Variants in PTPN13 observed in about 807,000 individuals in gnomAD.
PTPN13 encodes the protein protein tyrosine phosphatase non-receptor type 13.
In PTPN13, 191 loss-of-function variants were observed where a neutral mutation model predicts 284.0. That is an observed-to-expected ratio of 0.67 (90% CI 0.60 to 0.76). The LOEUF is 0.76. Among genes scored for constraint, PTPN13 ranks in the 30% least tolerant of loss-of-function variants. The pLI, the probability that PTPN13 is intolerant of heterozygous loss-of-function variation, is 0.00. For synonymous variants in PTPN13, 986 were observed against 1,022.3 expected, an observed-to-expected ratio of 0.96 and a Z score of 0.68; for missense variants, 2,797 against 2,939.9, an observed-to-expected ratio of 0.95 and a Z score of 1.12.
chr4:86,772,925 T>G lies in PTPN13; in HGVS notation c.5316T>G (p.Asn1772Lys). Residue 1772 changes from asparagine to lysine, a missense_variant, in exon 32 of 48, where the codon AAT becomes AAG. By Grantham distance (94) the Asn-to-Lys change is moderately conservative. Coordinates refer to ENST00000411767, the MANE Select transcript of PTPN13 (RefSeq NM_080683.3). ...AAGAAAACTGGACACCTTTGAAAAA[T>G]GACTTGGAAAATCACCTTGAAGACT... The part of the protein sequence containing the change: ...TRQENWTPLK[N>K]DLENHLEDFE... The G allele has an allele frequency of 6.2e-7, 1 of 1,606,438 alleles. No individual in the cohort carries two copies. Among genetic ancestry groups the G allele is most frequent in the Middle Eastern group, 1.7e-4 (1 of 6,032 alleles).
intron 23 of PTPN13, among the ~76,000 whole-genome samples, chr4:86,759,772 C>T (rs574139074): frequency 1.3e-5 from 2 of 152,270 alleles, no homozygotes; most frequent in East Asian, 3.9e-4. Context: ...TATAAACATG[C>T]TTATCTTATA....
intron 7 of PTPN13, among the ~76,000 whole-genome samples, chr4:86,716,079 T>TG (rs1374345994): frequency 6.6e-6 from 1 of 152,210 alleles, no homozygotes; most frequent in East Asian, 1.9e-4. Flanking sequence ...GTCTTTAGAT[T>TG]GTCTATTCCT....
intron 41 of PTPN13, among the ~76,000 whole-genome samples, chr4:86,797,651 A>G (rs1743502574): frequency 6.6e-6 from 1 of 152,180 alleles, no homozygotes; most frequent in South Asian, 2.1e-4. Flanking sequence ...GAAATGTGGC[A>G]ACAATCATGA....
At chr4:86,598,970 G>A (rs1422410204) in intron 1 of PTPN13, among the ~76,000 whole-genome samples, 1 of 152,080 alleles carries the variant, frequency 6.6e-6, no homozygotes, top group African/African-American at 2.4e-5. Context: ...ATGTTACCCA[G>A]CCTGGTCTTA....
intron 2 of PTPN13, among the ~76,000 whole-genome samples, chr4:86,663,152 G>C (rs1444541647): frequency 1.3e-5 from 2 of 152,176 alleles, no homozygotes; most frequent in Non-Finnish European, 2.9e-5. Context: ...TGGTGTAGGG[G>C]AAAAGAAGTA....
chr4:86,811,246 A>AT (rs956231820), intron 47 of PTPN13, 138 bp downstream of exon 47: 239 of 656,580 alleles, frequency 3.6e-4, no homozygotes, highest in Middle Eastern at 1.1e-3. Flanking sequence ...AGTGAGGGGC[A>AT]TTTTTTTTTA....
chr4:86,722,842 A>T (rs535827923), intron 10 of PTPN13, among the ~76,000 whole-genome samples: 2 of 152,314 alleles, frequency 1.3e-5, no homozygotes, highest in Non-Finnish European at 2.9e-5. Context: ...AGTGCATTTC[A>T]TCTTGCTGCT....
intron 1 of PTPN13, among the ~76,000 whole-genome samples, chr4:86,611,059 G>A (rs1185177260): frequency 6.6e-6 from 1 of 151,994 alleles, no homozygotes; most frequent in Non-Finnish European, 1.5e-5. Context: ...ATTTTATTCT[G>A]ATCCCCTTTC....
intron 7 of PTPN13, among the ~76,000 whole-genome samples, chr4:86,708,890 C>T (rs1732061381): frequency 6.6e-6 from 1 of 151,820 alleles, no homozygotes; most frequent in Non-Finnish European, 1.5e-5. Context: ...TTTAGCATTT[C>T]CCATATCACA....
chr4:86,805,431 T>G (rs913391303), intron 44 of PTPN13, 62 bp downstream of exon 44: 116 of 1,032,576 alleles, frequency 1.1e-4, no homozygotes, highest in Non-Finnish European at 1.5e-4. Flanking sequence ...GGATTAAAAT[T>G]TTTTGTGTTT....
At chr4:86,760,544 G>A (rs1738553794) in intron 23 of PTPN13, among the ~76,000 whole-genome samples, 1 of 152,132 alleles carries the variant, frequency 6.6e-6, no homozygotes, top group Non-Finnish European at 1.5e-5. Context: ...AAAAAACTCT[G>A]CCCTAATGGA....
chr4:86,630,041 C>T (rs1722298059), intron 1 of PTPN13, among the ~76,000 whole-genome samples: 1 of 152,152 alleles, frequency 6.6e-6, no homozygotes, highest in African/African-American at 2.4e-5. Context: ...GCTGGGATTA[C>T]AGGCATAAGT....
chr4:86,728,489 T>C (rs1734543728), intron 10 of PTPN13, among the ~76,000 whole-genome samples: 2 of 148,112 alleles, frequency 1.4e-5, no homozygotes, highest in South Asian at 4.3e-4. Context: ...TTTATGAATC[T>C]GGGTGCTCCT....
intron 13 of PTPN13, 52 bp from the exon 14 acceptor site, chr4:86,734,685 C>T (rs569076922): frequency 6.4e-7 from 1 of 1,565,298 alleles, no homozygotes; most frequent in Non-Finnish European, 8.7e-7. Context: ...TAAAAACCAC[C>T]CCAGTATTCA....
chr4:86,705,195 G>T (rs1731610879), intron 7 of PTPN13, among the ~76,000 whole-genome samples: 1 of 151,962 alleles, frequency 6.6e-6, no homozygotes, highest in Non-Finnish European at 1.5e-5. Context: ...TTAGCCTGGT[G>T]TGGTGGTACA....
intron 35 of PTPN13, among the ~76,000 whole-genome samples, chr4:86,776,934 C>T (rs1334388472): frequency 6.6e-6 from 1 of 152,130 alleles, no homozygotes; most frequent in African/African-American, 2.4e-5. Flanking sequence ...TAAGCCAGTC[C>T]TGGCTCATTC....
intron 1 of PTPN13, among the ~76,000 whole-genome samples, chr4:86,609,947 A>G (rs956764899): frequency 1.3e-5 from 2 of 152,172 alleles, no homozygotes; most frequent in East Asian, 3.8e-4. Flanking sequence ...TTGTTTTTCT[A>G]GTTTTCTTTC....
At position 86,767,820 on chromosome 4, in the gene PTPN13, G is replaced by A. The variant is rs1739511536; in HGVS notation, c.4333G>A (p.Val1445Ile). 1.3e-6 allele frequency: 2 copies of A among 1,565,396 alleles called. No homozygotes were observed. The highest frequency in any genetic ancestry group is 2.7e-5 in the African/African-American group (2 of 73,528). Residue 1445 changes from valine (V) to isoleucine (I), a missense_variant, in exon 28 of 48, where the codon GTT becomes ATT. Coordinates refer to ENST00000411767, the MANE Select transcript of PTPN13 (RefSeq NM_080683.3). ...VETLRNTGQVVHLLLEKGQSP... is the reference protein window; with the variant it reads ...VETLRNTGQVIHLLLEKGQSP... Reference sequence around the variant, plus strand: ...AAATGCTATTTTACTTATCCAGGTGGTTCATCTGTTATTAGAAAAGGGACA... The same window carrying A: ...AAATGCTATTTTACTTATCCAGGTGATTCATCTGTTATTAGAAAAGGGACA...
At chr4:86,632,062 A>G (rs997713933) in intron 1 of PTPN13, among the ~76,000 whole-genome samples, 4 of 109,902 alleles carry the variant, frequency 3.6e-5, no homozygotes, top group African/African-American at 1.2e-4. Flanking sequence ...ATCCTTCCTT[A>G]TATCACCAGA....
Sources: gnomAD v4.1 joint callset for allele counts (sites outside exome capture counted in the v4.1 genomes callset) on GRCh38, gnomAD v4.1.1 for gene constraint, MANE v1.5 for transcripts, NCBI Gene and HGNC (gene_info 2026-07-23, HGNC 2026-07-21) for gene names.